The following UBR3 variants were observed in gnomAD, a reference collection of about 807,000 sequenced individuals.
UBR3 encodes E3 ubiquitin-protein ligase UBR3.
A neutral mutation model predicts 243.2 loss-of-function variants in UBR3; 85 were observed. The ratio of observed to expected loss-of-function variants is 0.35; its 90% CI spans 0.29 to 0.42. The LOEUF (loss-of-function observed/expected upper bound fraction) is 0.42. Ranked by LOEUF, UBR3 falls within the 10% of genes least tolerant of loss-of-function variation. The pLI, the probability that UBR3 is intolerant of heterozygous loss-of-function variation, is 1.00. For synonymous variants in UBR3, 748 were observed against 799.8 expected (o/e 0.94, Z 1.09); for missense variants, 1,686 against 2,300.8 (o/e 0.73, Z 5.47).
chr2:170,034,627 T>C (rs1211946243), intron 31 of UBR3, among the ~76,000 whole-genome samples: 2 of 152,042 alleles, frequency 1.3e-5, no homozygotes, highest in Non-Finnish European at 2.9e-5. Context: ...ATAAAGCTGC[T>C]CTAAACATCT....
chr2:170,077,911 T>C, intron 36 of UBR3: 15 of 502,426 alleles, frequency 3.0e-5, no homozygotes, highest in South Asian at 2.4e-4. Context: ...TTAACACTTC[T>C]GTATCTCCCT....
intron 29 of UBR3, among the ~76,000 whole-genome samples, chr2:170,010,981 A>C (rs2090065485): frequency 6.6e-6 from 1 of 151,982 alleles, no homozygotes; most frequent in South Asian, 2.1e-4. Context: ...TGGACAACAT[A>C]GTAAAACCCT....
chr2:169,889,917 A>G (rs10803844), intron 5 of UBR3, among the ~76,000 whole-genome samples: 63,719 of 152,108 alleles, frequency 0.42, 15,127 homozygotes, highest in Non-Finnish European at 0.54. Flanking sequence ...AATTTATACT[A>G]CAGTTCTAAC....
chr2:169,877,649 T>C lies in UBR3; in HGVS notation c.988+12T>C. 1 of 1,533,436 alleles carries C rather than the reference T, an allele frequency of 6.5e-7. No individual in the cohort carries two copies. Among genetic ancestry groups the C allele is most frequent in the Non-Finnish European group, 8.7e-7 (1 of 1,142,986 alleles). 95.0% of individuals were successfully genotyped at this position (1,533,436 alleles called of 1,614,324 possible). Reference sequence around the variant, plus strand: ...TCTGGCTGTTCAAGGTTTGTCTAAATATTTAATTTGAACAGTTGTAACTTT... The same window carrying C: ...TCTGGCTGTTCAAGGTTTGTCTAAACATTTAATTTGAACAGTTGTAACTTT... On this transcript the variant is annotated intron_variant, in intron 4 of 38. Transcript: ENST00000272793.
intron 36 of UBR3, among the ~76,000 whole-genome samples, chr2:170,076,916 G>A (rs1010840131): frequency 6.6e-6 from 1 of 152,156 alleles, no homozygotes; most frequent in Non-Finnish European, 1.5e-5. Flanking sequence ...CCAATTGTAT[G>A]GCAATATTTT....
intron 1 of UBR3, among the ~76,000 whole-genome samples, chr2:169,853,146 G>C (rs1363801681): frequency 2.0e-5 from 3 of 152,166 alleles, no homozygotes; most frequent in Non-Finnish European, 2.9e-5. Context: ...AGAGGGAGTA[G>C]TTACTTATGA....
chr2:169,934,335 TA>T (rs2086245103), intron 19 of UBR3, among the ~76,000 whole-genome samples: 2 of 152,264 alleles, frequency 1.3e-5, no homozygotes, highest in Admixed American at 1.3e-4. Context: ...AAGAATTAAG[TA>T]AATTTTATTC....
At chr2:169,996,703 T>G (rs545595500) in intron 26 of UBR3, among the ~76,000 whole-genome samples, 1 of 147,488 alleles carries the variant, frequency 6.8e-6, no homozygotes, top group African/African-American at 2.5e-5. Flanking sequence ...GTTTTTTTTT[T>G]TTTTTTTTTA....
At chr2:169,999,016 A>C (rs181282679) in intron 26 of UBR3, among the ~76,000 whole-genome samples, 5 of 152,334 alleles carry the variant, frequency 3.3e-5, no homozygotes, top group Admixed American at 2.6e-4. Flanking sequence ...TCTCCCTAAA[A>C]TACTAGTCTC....
chr2:169,885,441 C>A (rs565414692), intron 5 of UBR3, among the ~76,000 whole-genome samples: 1 of 152,070 alleles, frequency 6.6e-6, no homozygotes, highest in African/African-American at 2.4e-5. Context: ...ATTAGCCAGG[C>A]GTGGTGGCAC....
At chr2:170,056,741 T>TA (rs2091345520) in intron 33 of UBR3, among the ~76,000 whole-genome samples, 1 of 152,220 alleles carries the variant, frequency 6.6e-6, no homozygotes, top group Non-Finnish European at 1.5e-5. Flanking sequence ...CCTTCACTGT[T>TA]ATCATCAGTT....
chr2:169,923,570 C>T (rs970005357), intron 11 of UBR3, among the ~76,000 whole-genome samples: 3 of 151,944 alleles, frequency 2.0e-5, no homozygotes, highest in Admixed American at 1.3e-4. Flanking sequence ...GGTATACATG[C>T]GTTTGAAGAG....
At chr2:170,066,512 G>GCC (rs76439643) in intron 35 of UBR3, among the ~76,000 whole-genome samples, 3,304 of 151,886 alleles carry the variant, frequency 0.022, 46 homozygotes, top group Non-Finnish European at 0.036. Flanking sequence ...TGATTATCTA[G>GCC]CCCCCCCACC....
intron 1 of UBR3, among the ~76,000 whole-genome samples, chr2:169,852,471 T>A (rs2082688647): frequency 1.3e-5 from 2 of 152,172 alleles, no homozygotes; most frequent in Non-Finnish European, 2.9e-5. Flanking sequence ...TATGGCGGCT[T>A]TCACTCTACA....
rs1278272164 is a variant in UBR3 at position 170,081,874 on chromosome 2, AT to A, written c.*35del. 12 of 1,384,428 alleles carry A rather than the reference AT, an allele frequency of 8.7e-6. No individual in the cohort carries two copies. Among genetic ancestry groups the A allele is most frequent in the Non-Finnish European group, 1.1e-5 (11 of 1,019,966 alleles). 85.8% of individuals were successfully genotyped at this position (1,384,428 alleles called of 1,614,324 possible). A position where few individuals can be genotyped will look rare whatever the true frequency, so the allele number is the denominator to read the frequency against. ...CACCTCAGCATTGCATCGTATCATC[AT>A]TTTCGCTACGAATTTATTTTTCAAC... On this transcript the variant is annotated 3_prime_UTR_variant, in exon 39 of 39. Coordinates refer to ENST00000272793, the MANE Select transcript of UBR3 (RefSeq NM_172070.4).
At chr2:169,928,189 G>A (rs1376509618) in intron 17 of UBR3, among the ~76,000 whole-genome samples, 2 of 152,112 alleles carry the variant, frequency 1.3e-5, no homozygotes, top group East Asian at 1.9e-4. Flanking sequence ...CTATTATAGA[G>A]TAAAAACGAT....
In UBR3 at chr2:169,958,476, C is replaced by T; in HGVS notation, c.3584C>T (p.Ala1195Val). 4 of 1,612,974 alleles carry T rather than the reference C, an allele frequency of 2.5e-6. No homozygotes were observed. The highest frequency in any genetic ancestry group is 3.4e-6 in the Non-Finnish European group (4 of 1,179,308). ...AGAGAGAGGCAGCAGAAATTGCTTG[C>T]GGAGTTTGCTTCACGACAGAAAAGC... ...KARERQQKLL[A>V]EFASRQKSFM... The change falls in exon 24 of 39, where the codon GCG (alanine) becomes GTG (valine). Residue 1195 changes from alanine to valine, a missense_variant. Physicochemically the swap from Ala to Val is moderately conservative, Grantham distance 64. Coordinates refer to ENST00000272793, the MANE Select transcript of UBR3 (RefSeq NM_172070.4).
intron 24 of UBR3, among the ~76,000 whole-genome samples, chr2:169,969,679 G>T (rs994187135): frequency 2.4e-4 from 36 of 151,596 alleles, no homozygotes; most frequent in African/African-American, 8.5e-4. Context: ...CTCCCAAGCA[G>T]CTGGGACAAC....
At chr2:170,028,243 C>T (rs1192100430) in intron 30 of UBR3, among the ~76,000 whole-genome samples, 2 of 151,684 alleles carry the variant, frequency 1.3e-5, no homozygotes, top group Non-Finnish European at 3.0e-5. Flanking sequence ...AACAGCTTCC[C>T]AAAATACTAT....
Sources: gnomAD v4.1 joint callset for allele counts (sites outside exome capture counted in the v4.1 genomes callset) on GRCh38, gnomAD v4.1.1 for gene constraint, MANE v1.5 for transcripts, NCBI Gene and HGNC (gene_info 2026-07-23, HGNC 2026-07-21) for gene names.